Variants in RIF1 observed in about 807,000 individuals in gnomAD.
RIF1 encodes the protein telomere-associated protein RIF1.
In RIF1, 45 loss-of-function variants were observed where a neutral mutation model predicts 247.1. That is an observed-to-expected ratio of 0.18 (90% CI 0.14 to 0.23). RIF1 has a LOEUF of 0.23. Ranked by LOEUF, RIF1 falls within the 10% of genes least tolerant of loss-of-function variation. The pLI is 1.00. For missense variants in RIF1, 2,967 were observed against 2,862.5 expected, an observed-to-expected ratio of 1.04 and a Z score of -0.83; for synonymous variants, 1,087 against 978.8, an observed-to-expected ratio of 1.11 and a Z score of -2.06.
At chr2:151,417,173 T>C (rs894194199) in intron 6 of RIF1, among the ~76,000 whole-genome samples, 1 of 152,222 alleles carries the variant, frequency 6.6e-6, no homozygotes, top group Admixed American at 6.5e-5. Context: ...TTGAAAAATA[T>C]CTTAAAGTTT....
intron 11 of RIF1, 66 bp from the exon 12 acceptor site, chr2:151,436,761 A>T: frequency 2.7e-6 from 3 of 1,118,062 alleles, no homozygotes; most frequent in South Asian, 3.5e-5. Context: ...AATGAAATGT[A>T]TGCATTTGGG....
At chr2:151,508,164 A>G (rs1020103844), downstream of RIF1, 28 of 1,234,600 alleles carry the variant, frequency 2.3e-5, no homozygotes, top group Middle Eastern at 7.5e-4. Context: ...ATATAGGCCA[A>G]TGGGACCTAA....
At chr2:151,518,961 T>C in the RIF1 span, 1 of 1,599,868 alleles carries the variant, frequency 6.3e-7, no homozygotes, top group Non-Finnish European at 8.6e-7. Flanking sequence ...ATGACTGAGC[T>C]TACAGAACTG....
At chr2:151,424,362 A>G (rs1192282176) in intron 8 of RIF1, among the ~76,000 whole-genome samples, 5 of 152,206 alleles carry the variant, frequency 3.3e-5, no homozygotes, top group Admixed American at 1.3e-4. Flanking sequence ...TCGGCCTCCC[A>G]AAGTGGTGGG....
At chr2:151,430,021 T>C (rs1689787748) in intron 9 of RIF1, among the ~76,000 whole-genome samples, 1 of 152,016 alleles carries the variant, frequency 6.6e-6, no homozygotes, top group African/African-American at 2.4e-5. Flanking sequence ...TAATGTATAA[T>C]AACTTTTTTT....
chr2:151,499,096 A>ACTT (rs980185489), intron 10 of RIF1, among the ~76,000 whole-genome samples: 10 of 152,298 alleles, frequency 6.6e-5, no homozygotes, highest in South Asian at 2.1e-4. Context: ...AATACTGAAC[A>ACTT]CTTTTTTTAT....
In RIF1 at chr2:151,410,413, G is replaced by C. The variant is rs370280955; in HGVS notation, c.-10-1G>C. The C allele has an allele frequency of 3.1e-6, 5 of 1,611,518 alleles. No individual in the cohort carries two copies. The African/African-American group carries it at 6.7e-5, about 22-fold the overall frequency. ...TTCTCCTCTTCCGGTTCGGGCCTCA[G>C]GGTGGCCGACATGACGGCCAGGGGT... On this transcript the variant is annotated splice_acceptor_variant, in intron 1 of 35. Coordinates refer to ENST00000444746, the MANE Select transcript of RIF1 (RefSeq NM_018151.5). LOFTEE classifies it low-confidence loss of function (5UTR_SPLICE).
At chr2:151,467,230 A>AG (rs1491522805) in intron 30 of RIF1, among the ~76,000 whole-genome samples, 1 of 152,274 alleles carries the variant, frequency 6.6e-6, no homozygotes, top group Admixed American at 6.5e-5. Context: ...TCTCAAAAAA[A>AG]GAAAAAAAAA....
At chr2:151,521,160 C>T in the RIF1 span, among the ~76,000 whole-genome samples, 1 of 152,106 alleles carries the variant, frequency 6.6e-6, no homozygotes, top group Non-Finnish European at 1.5e-5. Flanking sequence ...TGCTCTTCAC[C>T]TCCCCCAACT....
intron 31 of RIF1, 75 bp downstream of exon 31, chr2:151,468,221 G>T: frequency 7.5e-7 from 1 of 1,341,436 alleles, no homozygotes; most frequent in African/African-American, 1.5e-5. Flanking sequence ...GTCATAAAAT[G>T]AACTATATAT....
chr2:151,419,416 C>T (rs1395727745), intron 6 of RIF1, among the ~76,000 whole-genome samples: 1 of 152,008 alleles, frequency 6.6e-6, no homozygotes, highest in South Asian at 2.1e-4. Flanking sequence ...ACCTCCGCCT[C>T]CCGGGTTCAA....
rs138580208 is a variant in RIF1, at chr2:151,414,701, G to A, written c.184-122G>A. ...TTATTTTTATTTTTATTTTTTATGC[G>A]TATTCTCAAGGATTTGTTGGAGTAA... On this transcript the variant is annotated intron_variant, in intron 3 of 35. Transcript: ENST00000444746. 2.1e-3 allele frequency: 1,260 copies of A among 610,260 alleles called. 3 individuals are homozygous for A. Among genetic ancestry groups the A allele is most frequent in the Non-Finnish European group, 3.1e-3 (1,083 of 348,472 alleles). The allele number at this position is 610,260 out of a possible 1,614,324, so 37.8% of individuals were successfully genotyped here.
the RIF1 span, chr2:151,513,628 T>C: frequency 6.2e-7 from 1 of 1,610,738 alleles, no homozygotes; most frequent in Non-Finnish European, 8.5e-7. Flanking sequence ...AATCCGGAGT[T>C]TCATTGGCCA....
the RIF1 span, chr2:151,533,382 C>T: frequency 7.2e-6 from 8 of 1,105,544 alleles, no homozygotes; most frequent in East Asian, 1.0e-4. Context: ...TGAAAGCATA[C>T]AAGGGAATGC....
At chr2:151,504,182 C>T (rs369105505) in intron 12 of RIF1, among the ~76,000 whole-genome samples, 3 of 152,176 alleles carry the variant, frequency 2.0e-5, no homozygotes, top group African/African-American at 7.2e-5. Flanking sequence ...TGGATGGATT[C>T]CCTGGTGTAT....
chr2:151,429,446 C>G (rs1242474209), intron 9 of RIF1, among the ~76,000 whole-genome samples: 1 of 152,222 alleles, frequency 6.6e-6, no homozygotes, highest in Non-Finnish European at 1.5e-5. Context: ...CTCCCAAATG[C>G]TGGGATTACA....
rs1227176311 is a variant in RIF1, at chr2:151,473,571, C to T, written c.7096-393C>T. Among the ~76,000 whole-genome samples, 4 of 152,028 alleles carry T rather than the reference C, an allele frequency of 2.6e-5. No homozygotes were observed. In the East Asian group the frequency reaches 7.7e-4, roughly 29 times the overall value. On this transcript the variant is annotated intron_variant, in intron 34 of 35. Coordinates refer to ENST00000444746, the MANE Select transcript of RIF1 (RefSeq NM_018151.5). ...CTGGAATTACAGGGGTGAGCCACTG[C>T]TCCCAGCCAGAAAATTGTGTTCTTT...
chr2:151,464,753 T>G lies in RIF1; in HGVS notation c.5233T>G (p.Ser1745Ala). ...GGAAAAATCACAACCTCAGGAAAAGTCACTCATTGGGTTAAAGAATACAGA... is the reference window on the plus strand; with the variant it reads ...GGAAAAATCACAACCTCAGGAAAAGGCACTCATTGGGTTAAAGAATACAGA... The part of the protein sequence containing the change: ...CGEKSQPQEK[S>A]LIGLKNTENN... The change falls in exon 30 of 36, where the codon TCA becomes GCA. Residue 1745 changes from serine to alanine, a missense_variant. By Grantham distance (99) the Ser-to-Ala change is moderately conservative. Coordinates refer to ENST00000444746, the MANE Select transcript of RIF1 (RefSeq NM_018151.5). 1 of 1,613,732 alleles carries G rather than the reference T, an allele frequency of 6.2e-7. No individual in the cohort carries two copies. The highest frequency in any genetic ancestry group is 1.1e-5 in the South Asian group (1 of 90,990).
At chr2:151,448,641 A>T (rs552995655) in intron 20 of RIF1, among the ~76,000 whole-genome samples, 2 of 152,296 alleles carry the variant, frequency 1.3e-5, no homozygotes, top group African/African-American at 4.8e-5. Context: ...TTCCTTTTCC[A>T]AAGGACTTAC....
Sources: gnomAD v4.1 joint callset for allele counts (sites outside exome capture counted in the v4.1 genomes callset) on GRCh38, gnomAD v4.1.1 for gene constraint, MANE v1.5 for transcripts, NCBI Gene and HGNC (gene_info 2026-07-23, HGNC 2026-07-21) for gene names.